Variants in CEP112 observed in about 807,000 individuals in gnomAD.
The protein encoded by CEP112 is centrosomal protein 112.
In CEP112, 127 loss-of-function variants were observed where a neutral mutation model predicts 153.0. That is an observed-to-expected ratio of 0.83 (90% CI 0.72 to 0.96). CEP112 has a LOEUF of 0.96. CEP112 is among the 40% of genes least tolerant of loss of function. The pLI, the probability that CEP112 is intolerant of heterozygous loss-of-function variation, is 0.00. For synonymous variants in CEP112, 358 were observed against 374.4 expected (o/e 0.96, Z 0.51); for missense variants, 1,089 against 1,101.2 (o/e 0.99, Z 0.16).
Position 66,139,650 on chromosome 17 carries a change from T to C in CEP112, c.471-6887A>G, listed in dbSNP as rs141848771. Among the ~76,000 whole-genome samples, 46 of 152,086 alleles carry C rather than the reference T, an allele frequency of 3.0e-4. No homozygotes were observed. In the East Asian group the frequency reaches 8.7e-3, roughly 29 times the overall value. ...TATAAAAAGAACTGTAAGAAAGTACTATGAGCAACAGTATGCCAATGTATT... is the reference window on the plus strand; with the variant it reads ...TATAAAAAGAACTGTAAGAAAGTACCATGAGCAACAGTATGCCAATGTATT... On this transcript the variant is annotated intron_variant, in intron 4 of 26. Coordinates refer to ENST00000535342, the MANE Select transcript of CEP112 (RefSeq NM_001199165.4).
At chr17:65,694,140 G>C (rs1222538702) in intron 23 of CEP112, among the ~76,000 whole-genome samples, 1 of 152,188 alleles carries the variant, frequency 6.6e-6, no homozygotes, top group Non-Finnish European at 1.5e-5. Context: ...TCAGACAGAG[G>C]TGCAAATGCG....
At chr17:65,727,179 G>A (rs2050229553) in intron 23 of CEP112, among the ~76,000 whole-genome samples, 1 of 152,138 alleles carries the variant, frequency 6.6e-6, no homozygotes, top group Non-Finnish European at 1.5e-5. Context: ...ACTTATACTG[G>A]TCGGGTGGCA....
chr17:65,654,964 G>A (rs1181098289), intron 24 of CEP112: 11 of 676,882 alleles, frequency 1.6e-5, no homozygotes, highest in African/African-American at 3.6e-5. Context: ...CGGAAGCCGG[G>A]CCAATAGTGA....
At chr17:65,845,069 C>T (rs2057677208) in intron 21 of CEP112, among the ~76,000 whole-genome samples, 1 of 152,284 alleles carries the variant, frequency 6.6e-6, no homozygotes, top group Middle Eastern at 3.4e-3. Context: ...CCTGTCCTCC[C>T]AGCACTTTGG....
At position 65,916,289 on chromosome 17, in the gene CEP112, G is replaced by GTA. The variant is rs1555711316; in HGVS notation, c.1980+11292_1980+11293insTA. Among the ~76,000 whole-genome samples the GTA allele has an allele frequency of 4.1e-3, 604 of 147,332 alleles. 6 individuals are homozygous for GTA. Among genetic ancestry groups the GTA allele is most frequent in the African/African-American group, 0.014 (574 of 39,856 alleles). ...TGTGTGTGTGTGTGTGTGTGTGTGT[G>GTA]TGTATGTGTGGTAGGAGTAGTGGTG... On this transcript the variant is annotated intron_variant, in intron 19 of 26. Coordinates refer to ENST00000535342, the MANE Select transcript of CEP112 (RefSeq NM_001199165.4).
chr17:66,067,901 G>A (rs1346256702), intron 9 of CEP112, among the ~76,000 whole-genome samples: 2 of 152,006 alleles, frequency 1.3e-5, no homozygotes, highest in East Asian at 3.9e-4. Flanking sequence ...CATGTCCCTG[G>A]ATCCGCCCAC....
At chr17:65,971,581 T>C (rs987383794) in intron 17 of CEP112, among the ~76,000 whole-genome samples, 5 of 152,070 alleles carry the variant, frequency 3.3e-5, no homozygotes, top group Admixed American at 1.3e-4. Context: ...ATATGGCATG[T>C]ATATTACATG....
chr17:65,775,892 G>A (rs1005366914), intron 21 of CEP112, among the ~76,000 whole-genome samples: 2 of 152,162 alleles, frequency 1.3e-5, no homozygotes, highest in East Asian at 3.8e-4. Flanking sequence ...TGATTCTTCC[G>A]TAGCCACAGT....
intron 17 of CEP112, among the ~76,000 whole-genome samples, chr17:65,999,466 G>C (rs930627264): frequency 1.3e-5 from 2 of 152,032 alleles, no homozygotes; most frequent in African/African-American, 4.8e-5. Context: ...CTCCCAAAGT[G>C]CTGGGATTAC....
At chr17:66,045,969 A>G (rs2066183693) in intron 12 of CEP112, among the ~76,000 whole-genome samples, 1 of 152,254 alleles carries the variant, frequency 6.6e-6, no homozygotes, top group African/African-American at 2.4e-5. Context: ...ACATGATACC[A>G]CAACAGAATA....
At chr17:65,693,566 T>C (rs1363817590) in intron 23 of CEP112, among the ~76,000 whole-genome samples, 2 of 151,464 alleles carry the variant, frequency 1.3e-5, no homozygotes, top group African/African-American at 4.9e-5. Flanking sequence ...TGACAGGGAA[T>C]TGGAAAAAAG....
chr17:65,970,925 AGT>A (rs2062739492), intron 17 of CEP112, among the ~76,000 whole-genome samples: 1 of 145,528 alleles, frequency 6.9e-6, no homozygotes, highest in Non-Finnish European at 1.5e-5. Context: ...GCATGTATGC[AGT>A]TATTGCACCC....
intron 4 of CEP112, among the ~76,000 whole-genome samples, chr17:66,146,299 TAG>T (rs2070916174): frequency 6.6e-6 from 1 of 152,078 alleles, no homozygotes; most frequent in Non-Finnish European, 1.5e-5. Flanking sequence ...TTGGTATATA[TAG>T]AGCTATTCAG....
chr17:65,971,837 T>C (rs1353980960), intron 17 of CEP112, among the ~76,000 whole-genome samples: 1 of 152,070 alleles, frequency 6.6e-6, no homozygotes, highest in East Asian at 1.9e-4. Flanking sequence ...CTAAAGAAAG[T>C]AAATTTACAG....
chr17:65,920,362 A>ACAAACAAAAAAAAAAAT (rs1230889770), intron 19 of CEP112, among the ~76,000 whole-genome samples: 9 of 42,780 alleles, frequency 2.1e-4, no homozygotes, highest in African/African-American at 7.8e-4. Context: ...AAACAAACAA[A>ACAAACAAAAAAAAAAAT]ATATATATAT....
chr17:66,125,187 C>G (rs960236627), intron 6 of CEP112, among the ~76,000 whole-genome samples: 1 of 152,228 alleles, frequency 6.6e-6, no homozygotes, highest in Non-Finnish European at 1.5e-5. Flanking sequence ...TTTGTCTTAT[C>G]AAAGTATTAA....
intron 17 of CEP112, among the ~76,000 whole-genome samples, chr17:65,963,144 T>G (rs2062275725): frequency 1.3e-5 from 2 of 152,244 alleles, no homozygotes; most frequent in Non-Finnish European, 2.9e-5. Flanking sequence ...TTGGCTGCTA[T>G]GCCACACTGC....
At chr17:65,742,509 G>T (rs186668510) in intron 23 of CEP112, among the ~76,000 whole-genome samples, 1 of 152,270 alleles carries the variant, frequency 6.6e-6, no homozygotes, top group East Asian at 1.9e-4. Flanking sequence ...AAGAATCGGG[G>T]TCCAGAGAAT....
chr17:66,016,705 A>G (rs966421779), intron 16 of CEP112, among the ~76,000 whole-genome samples: 11 of 152,192 alleles, frequency 7.2e-5, no homozygotes, highest in Non-Finnish European at 1.3e-4. Context: ...CTGTGCCTCC[A>G]ATGTACCATG....
Sources: gnomAD v4.1 joint callset for allele counts (sites outside exome capture counted in the v4.1 genomes callset) on GRCh38, gnomAD v4.1.1 for gene constraint, MANE v1.5 for transcripts, NCBI Gene and HGNC (gene_info 2026-07-23, HGNC 2026-07-21) for gene names.